PKIB: variants seen among roughly 807,000 people sequenced by gnomAD.
The protein encoded by PKIB is PKI-beta.
In PKIB, 2 loss-of-function variants were observed where a neutral mutation model predicts 4.5. The observed-to-expected ratio is 0.44, with a 90% CI of 0.18 to 1.39. PKIB has a LOEUF of 1.39. Among genes scored for constraint, PKIB ranks in the 40% most tolerant of loss-of-function variants. PKIB has a pLI of 0.27. For missense variants in PKIB, 94 were observed against 92.6 expected, an observed-to-expected ratio of 1.02 and a Z score of -0.06; for synonymous variants, 38 against 36.0, an observed-to-expected ratio of 1.06 and a Z score of -0.20.
intron 3 of PKIB, among the ~76,000 whole-genome samples, chr6:122,702,452 C>T (rs1778864202): frequency 6.6e-6 from 1 of 151,030 alleles, no homozygotes; most frequent in Non-Finnish European, 1.5e-5. Flanking sequence ...GCCTCACGCT[C>T]CTTAGTGTCT....
At chr6:122,676,460 T>C (rs750984721) in intron 3 of PKIB, among the ~76,000 whole-genome samples, 1 of 152,122 alleles carries the variant, frequency 6.6e-6, no homozygotes, top group Non-Finnish European at 1.5e-5. Context: ...TAAAGCAAAG[T>C]CATGCAACTA....
At chr6:122,677,702 A>G (rs372713155) in intron 3 of PKIB, among the ~76,000 whole-genome samples, 14 of 152,244 alleles carry the variant, frequency 9.2e-5, no homozygotes, top group African/African-American at 3.1e-4. Context: ...AAACTCAGAG[A>G]TTTGCCCCAA....
At chr6:122,537,340 C>T (rs1777438588) in intron 2 of PKIB, among the ~76,000 whole-genome samples, 1 of 152,012 alleles carries the variant, frequency 6.6e-6, no homozygotes. Flanking sequence ...CAACAGACCC[C>T]AGTGTGTGAT....
intron 2 of PKIB, among the ~76,000 whole-genome samples, chr6:122,660,840 T>C (rs751723506): frequency 1.3e-5 from 2 of 152,194 alleles, no homozygotes; most frequent in Non-Finnish European, 2.9e-5. Context: ...CTGATTGATA[T>C]ATCTCTGCAA....
At chr6:122,586,111 G>A (rs913857997) in intron 3 of PKIB, 1 of 152,136 alleles carries the variant, frequency 6.6e-6, no homozygotes, top group Non-Finnish European at 1.5e-5. Context: ...AATTAAACAA[G>A]TTGATACAAT....
rs905250970 is a variant in PKIB, at chr6:122,488,225, T to TAC, written c.-248+10297_-248+10298dup. ...TTTCATATATATATATTCATATATA[T>TAC]ACACACACACACGCATGTATGTACA... is the stretch of plus-strand genomic sequence containing the variant. On this transcript the variant is annotated intron_variant, in intron 2 of 6. Transcript: ENST00000392491. Among the ~76,000 whole-genome samples, 17 of 151,794 alleles carry TAC rather than the reference T, an allele frequency of 1.1e-4. 1 individual carries two copies. The highest frequency in any genetic ancestry group is 6.2e-4 in the South Asian group (3 of 4,818).
chr6:122,622,882 T>TG (rs1215201137), intron 1 of PKIB, among the ~76,000 whole-genome samples: 5 of 152,048 alleles, frequency 3.3e-5, no homozygotes, highest in Non-Finnish European at 5.9e-5. Flanking sequence ...AACATGAACT[T>TG]GGGGCAGGGC....
At chr6:122,651,865 T>A (rs1395493115) in intron 2 of PKIB, among the ~76,000 whole-genome samples, 3 of 152,194 alleles carry the variant, frequency 2.0e-5, no homozygotes. Context: ...ACCTGCCAAT[T>A]TCATCATACT....
At chr6:122,553,478 CTTCT>C (rs869267599) in intron 2 of PKIB, among the ~76,000 whole-genome samples, 1,152 of 48,886 alleles carry the variant, frequency 0.024, 24 homozygotes, top group East Asian at 0.07. Flanking sequence ...GCTCAAATAT[CTTCT>C]TTTTTTTTTT....
chr6:122,674,677 G>T (rs1777601388), intron 2 of PKIB, among the ~76,000 whole-genome samples: 1 of 152,094 alleles, frequency 6.6e-6, no homozygotes, highest in East Asian at 1.9e-4. Flanking sequence ...TCAAAGTCTG[G>T]TGTGTTTCTA....
chr6:122,666,696 G>T (rs1294475218), intron 2 of PKIB, among the ~76,000 whole-genome samples: 3 of 152,112 alleles, frequency 2.0e-5, no homozygotes, highest in Non-Finnish European at 4.4e-5. Context: ...TGCTAAGAGG[G>T]TATCTTATAG....
intron 2 of PKIB, among the ~76,000 whole-genome samples, chr6:122,638,316 A>G (rs1429787082): frequency 6.6e-6 from 1 of 152,226 alleles, no homozygotes; most frequent in Non-Finnish European, 1.5e-5. Flanking sequence ...TAACACTAAC[A>G]AAGTAGCAAT....
intron 3 of PKIB, among the ~76,000 whole-genome samples, chr6:122,587,965 C>T (rs1315736270): frequency 3.3e-5 from 5 of 151,300 alleles, no homozygotes; most frequent in African/African-American, 9.8e-5. Context: ...TTCTCCCATT[C>T]TGTAGGTTAC....
intron 2 of PKIB, among the ~76,000 whole-genome samples, chr6:122,546,910 C>T (rs988501277): frequency 1.3e-5 from 2 of 151,948 alleles, no homozygotes; most frequent in Non-Finnish European, 2.9e-5. Flanking sequence ...TCACACATAA[C>T]GTAATATATA....
chr6:122,624,309 T>C (rs1395652361), intron 1 of PKIB, among the ~76,000 whole-genome samples: 2 of 152,206 alleles, frequency 1.3e-5, no homozygotes, highest in Non-Finnish European at 2.9e-5. Context: ...CTTTGGGCCA[T>C]AGTCCATAGC....
chr6:122,668,608 G>A (rs558474045), intron 2 of PKIB, among the ~76,000 whole-genome samples: 3 of 152,204 alleles, frequency 2.0e-5, no homozygotes, highest in African/African-American at 4.8e-5. Flanking sequence ...AGAAATCTTC[G>A]GTCTGACTTC....
chr6:122,704,947 A>T (rs948725976), intron 3 of PKIB, among the ~76,000 whole-genome samples: 2 of 152,266 alleles, frequency 1.3e-5, no homozygotes, highest in Middle Eastern at 3.4e-3. Context: ...AGCTCTAACT[A>T]TTCGGGAGGC....
At position 122,704,728 on chromosome 6, in the gene PKIB, C is replaced by CTGTGTG. The variant is rs113825379; in HGVS notation, c.-8-13039_-8-13034dup. On this transcript the variant is annotated intron_variant, in intron 3 of 4. Transcript: ENST00000368452. ...TTGCTTTCAGTTGGTGAAATAATAA[C>CTGTGTG]TGTGTGTGTGTGTGTGTGTGTGTGT... is the stretch of plus-strand genomic sequence containing the variant. 7.6e-3 allele frequency among the ~76,000 whole-genome samples: 1,140 copies of CTGTGTG among 149,292 alleles called. 9 individuals are homozygous for CTGTGTG. The highest frequency in any genetic ancestry group is 0.016 in the African/African-American group (669 of 40,626).
At chr6:122,537,700 G>T (rs1777449868) in intron 2 of PKIB, among the ~76,000 whole-genome samples, 1 of 152,066 alleles carries the variant, frequency 6.6e-6, no homozygotes, top group Non-Finnish European at 1.5e-5. Context: ...ACCCGTAAGG[G>T]GATGGCTGGG....
Sources: allele counts gnomAD v4.1 joint callset (sites outside exome capture counted in the v4.1 genomes callset), GRCh38; gene constraint gnomAD v4.1.1; transcripts MANE v1.5; gene names NCBI Gene and HGNC (gene_info 2026-07-23, HGNC 2026-07-21).